Variants in ADAMTS6 observed in about 807,000 individuals in gnomAD.
ADAMTS6 encodes the protein A disintegrin and metalloproteinase with thrombospondin motifs 6.
ADAMTS6 carries 23 observed loss-of-function variants against 144.3 expected under a neutral mutation model. The ratio of observed to expected loss-of-function variants is 0.16; its 90% CI spans 0.11 to 0.23. The LOEUF (loss-of-function observed/expected upper bound fraction) is 0.23, where lower values mean the gene tolerates loss of function less well. ADAMTS6 is among the 10% of genes least tolerant of loss of function. The pLI, the probability that ADAMTS6 is intolerant of heterozygous loss-of-function variation, is 1.00. For missense variants in ADAMTS6, 999 were observed against 1,379.6 expected (o/e 0.72, Z 4.37); for synonymous variants, 444 against 457.5 (o/e 0.97, Z 0.38).
chr5:65,246,529 A>T (rs1290089394), intron 14 of ADAMTS6, among the ~76,000 whole-genome samples: 1 of 152,116 alleles, frequency 6.6e-6, no homozygotes, highest in Non-Finnish European at 1.5e-5. Context: ...GTGAGGTGGG[A>T]GGGAAGTTTT....
intron 9 of ADAMTS6, among the ~76,000 whole-genome samples, chr5:65,300,701 G>A (rs761159158): frequency 1.3e-4 from 19 of 151,494 alleles, no homozygotes; most frequent in Non-Finnish European, 7.4e-5. Flanking sequence ...GCGCGAACTC[G>A]GCTCACTGCA....
intron 23 of ADAMTS6, 77 bp from the exon 24 acceptor site, chr5:65,170,850 C>A: frequency 6.9e-7 from 1 of 1,440,868 alleles, no homozygotes; most frequent in Non-Finnish European, 9.5e-7. Context: ...TATGTCATTT[C>A]AAATACAACA....
At chr5:65,426,981 A>T (rs1311856095) in intron 7 of ADAMTS6, among the ~76,000 whole-genome samples, 1 of 152,142 alleles carries the variant, frequency 6.6e-6, no homozygotes, top group African/African-American at 2.4e-5. Flanking sequence ...AAACAGAACA[A>T]ACTTTACAGC....
At chr5:65,479,675 TG>T (rs1761073110) in intron 1 of ADAMTS6, among the ~76,000 whole-genome samples, 1 of 152,212 alleles carries the variant, frequency 6.6e-6, no homozygotes, top group South Asian at 2.1e-4. Context: ...TGATAAAATT[TG>T]GCATAAAGAC....
intron 22 of ADAMTS6, among the ~76,000 whole-genome samples, chr5:65,176,653 A>C (rs1754000406): frequency 6.6e-6 from 1 of 152,232 alleles, no homozygotes; most frequent in Non-Finnish European, 1.5e-5. Context: ...AAAAGGTTAA[A>C]AAGAGTCTAT....
At chr5:65,392,362 G>A (rs1238620638) in intron 7 of ADAMTS6, among the ~76,000 whole-genome samples, 1 of 152,022 alleles carries the variant, frequency 6.6e-6, no homozygotes, top group African/African-American at 2.4e-5. Flanking sequence ...CATGATCCTT[G>A]CCTAATACAA....
chr5:65,196,578 T>C (rs529641477), intron 21 of ADAMTS6, among the ~76,000 whole-genome samples: 1 of 87,466 alleles, frequency 1.1e-5, no homozygotes, highest in African/African-American at 4.1e-5. Flanking sequence ...TTAGGACAAA[T>C]ATGTAGAAAA....
At chr5:65,389,182 C>T (rs1752714937) in intron 7 of ADAMTS6, among the ~76,000 whole-genome samples, 2 of 150,568 alleles carry the variant, frequency 1.3e-5, no homozygotes, top group Admixed American at 6.6e-5. Flanking sequence ...CCAGCCTGGG[C>T]GACAGAGCGA....
chr5:65,473,463 T>C, intron 2 of ADAMTS6, 114 bp downstream of exon 2: 1 of 849,812 alleles, frequency 1.2e-6, no homozygotes, highest in Admixed American at 2.2e-5. Context: ...TAGGCCTCTA[T>C]TCCTATCACT....
At chr5:65,160,433 A>G (rs1203446741) in intron 24 of ADAMTS6, among the ~76,000 whole-genome samples, 1 of 150,908 alleles carries the variant, frequency 6.6e-6, no homozygotes, top group Non-Finnish European at 1.5e-5. Context: ...CAGCCTCCCG[A>G]GTAGCTGGGA....
intron 7 of ADAMTS6, among the ~76,000 whole-genome samples, chr5:65,372,549 A>G (rs1025596540): frequency 2.6e-5 from 4 of 152,138 alleles, no homozygotes; most frequent in African/African-American, 7.2e-5. Context: ...TTCAACAAGA[A>G]GAGCTAACTA....
intron 20 of ADAMTS6, among the ~76,000 whole-genome samples, chr5:65,200,394 T>C (rs1203363602): frequency 6.6e-6 from 1 of 152,230 alleles, no homozygotes; most frequent in Non-Finnish European, 1.5e-5. Flanking sequence ...TAGATTCTTT[T>C]TATATGATCA....
At chr5:65,431,635 T>A (rs569536130) in intron 7 of ADAMTS6, among the ~76,000 whole-genome samples, 4 of 152,230 alleles carry the variant, frequency 2.6e-5, no homozygotes, top group Non-Finnish European at 5.9e-5. Context: ...AATTTCCCCA[T>A]GCCAATTTCC....
At position 65,226,236 on chromosome 5, in the gene ADAMTS6, G is replaced by A. The variant is rs1580114463; in HGVS notation, c.1934-17C>T. On this transcript the variant is annotated splice_polypyrimidine_tract_variant and intron_variant, in intron 15 of 24. Transcript: ENST00000381055. ...TTACCCCACCTGGACAAATACAGTAGAAGAGAAATAAGTGGAGTGGTTGTC... is the reference window on the plus strand; with the variant it reads ...TTACCCCACCTGGACAAATACAGTAAAAGAGAAATAAGTGGAGTGGTTGTC... 1 of 1,609,378 alleles carries A rather than the reference G, an allele frequency of 6.2e-7. No individual in the cohort carries two copies. Among genetic ancestry groups the A allele is most frequent in the Non-Finnish European group, 8.5e-7 (1 of 1,177,278 alleles).
chr5:65,232,968 T>C (rs1476018882), intron 15 of ADAMTS6, among the ~76,000 whole-genome samples: 1 of 151,958 alleles, frequency 6.6e-6, no homozygotes, highest in Non-Finnish European at 1.5e-5. Context: ...AGCAAATTAA[T>C]TAAATGGCAA....
intron 7 of ADAMTS6, among the ~76,000 whole-genome samples, chr5:65,374,136 A>G (rs144742908): frequency 6.6e-6 from 1 of 152,174 alleles, no homozygotes; most frequent in Non-Finnish European, 1.5e-5. Flanking sequence ...TCTATGACAA[A>G]CCCACAGCCA....
At chr5:65,170,906 A>C in intron 23 of ADAMTS6, 133 bp from the exon 24 acceptor site, 1 of 932,638 alleles carries the variant, frequency 1.1e-6, no homozygotes, top group South Asian at 2.0e-5. Flanking sequence ...GCGTCTTGCT[A>C]TGTTGGCCAG....
intron 9 of ADAMTS6, among the ~76,000 whole-genome samples, chr5:65,318,481 T>C (rs1580378324): frequency 6.6e-6 from 1 of 152,248 alleles, no homozygotes; most frequent in African/African-American, 2.4e-5. Flanking sequence ...GCAACCTAAG[T>C]GTCCATCAAC....
chr5:65,170,473 G>A, intron 24 of ADAMTS6, 144 bp downstream of exon 24: 1 of 909,172 alleles, frequency 1.1e-6, no homozygotes, highest in Non-Finnish European at 1.6e-6. Context: ...TGGGTTTCCT[G>A]ATTGCTGTCT....
Sources: allele counts gnomAD v4.1 joint callset (sites outside exome capture counted in the v4.1 genomes callset), GRCh38; gene constraint gnomAD v4.1.1; transcripts MANE v1.5; gene names NCBI Gene and HGNC (gene_info 2026-07-23, HGNC 2026-07-21).